The following KCND2 variants were observed in gnomAD, a reference collection of about 807,000 sequenced individuals.
The protein encoded by KCND2 is A-type voltage-gated potassium channel KCND2.
Under a neutral mutation model 54.4 loss-of-function variants are expected in KCND2, and 16 were observed. The ratio of observed to expected loss-of-function variants is 0.29; its 90% CI spans 0.20 to 0.45. KCND2 has a LOEUF of 0.45. Ranked by LOEUF, KCND2 falls within the 20% of genes least tolerant of loss-of-function variation. The pLI is 1.00. For synonymous variants in KCND2, 317 were observed against 310.7 expected (o/e 1.02, Z -0.21); for missense variants, 486 against 824.2 (o/e 0.59, Z 5.02).
At chr7:120,591,911 A>C (rs1246924592) in intron 1 of KCND2, among the ~76,000 whole-genome samples, 1 of 152,252 alleles carries the variant, frequency 6.6e-6, no homozygotes, top group East Asian at 1.9e-4. Context: ...TTAAGTAAAA[A>C]ATATGTACAC....
chr7:120,375,511 T>G (rs1328676587), intron 1 of KCND2, among the ~76,000 whole-genome samples: 1 of 151,818 alleles, frequency 6.6e-6, no homozygotes, highest in African/African-American at 2.4e-5. Context: ...GAAATATGCG[T>G]TTTCAATATG....
chr7:120,681,572 C>T (rs943177526), intron 1 of KCND2, among the ~76,000 whole-genome samples: 1 of 151,790 alleles, frequency 6.6e-6, no homozygotes, highest in Admixed American at 6.6e-5. Flanking sequence ...ATTCACCAAC[C>T]ACAAAATGAA....
chr7:120,698,022 CTT>C (rs35589294), intron 1 of KCND2, among the ~76,000 whole-genome samples: 1,546 of 85,568 alleles, frequency 0.018, 6 homozygotes, highest in African/African-American at 0.061. Flanking sequence ...TAGATTTGCC[CTT>C]TTTTTTTTTT....
chr7:120,677,572 G>T (rs917536498), intron 1 of KCND2, among the ~76,000 whole-genome samples: 6 of 146,068 alleles, frequency 4.1e-5, no homozygotes, highest in Admixed American at 1.4e-4. Context: ...TAGATATATA[G>T]ATATATAGAT....
intron 1 of KCND2, among the ~76,000 whole-genome samples, chr7:120,518,001 A>G (rs1210995716): frequency 6.6e-6 from 1 of 152,140 alleles, no homozygotes; most frequent in Non-Finnish European, 1.5e-5. Context: ...ATATTTGTTG[A>G]TAATGTGTTC....
At position 120,750,233 on chromosome 7, in the gene KCND2, T is replaced by C. The variant is rs1246394605; in HGVS notation, c.*2375T>C. ...TTTTGACAATTTTGTTTGAAATTCA[T>C]ATATCTTATTTCAAAGGATAGCATA... On this transcript the variant is annotated 3_prime_UTR_variant, in exon 6 of 6. Coordinates refer to ENST00000331113, the MANE Select transcript of KCND2 (RefSeq NM_012281.3). The C allele has an allele frequency of 6.6e-6, 1 of 152,444 alleles. No homozygotes were observed. The highest frequency in any genetic ancestry group is 1.5e-5 in the Non-Finnish European group (1 of 67,876). 9.4% of individuals were successfully genotyped at this position (152,444 alleles called of 1,614,324 possible).
rs552453369 is a variant in KCND2 at position 120,385,686 on chromosome 7, A to G, written c.1115+109939A>G. On this transcript the variant is annotated intron_variant, in intron 1 of 5. Coordinates refer to ENST00000331113, the MANE Select transcript of KCND2 (RefSeq NM_012281.3). Reference sequence around the variant, plus strand: ...ACATGATGTTTTCATTTGCAGACTCATTAATGCTTTATAAATAGCCAAACT... The same window carrying G: ...ACATGATGTTTTCATTTGCAGACTCGTTAATGCTTTATAAATAGCCAAACT... Among the ~76,000 whole-genome samples the G allele has an allele frequency of 2.0e-5, 3 of 152,290 alleles. No homozygotes were observed. The East Asian group carries it at 5.8e-4, about 29-fold the overall frequency.
intron 1 of KCND2, among the ~76,000 whole-genome samples, chr7:120,483,633 C>T (rs1360441801): frequency 6.6e-6 from 1 of 151,886 alleles, no homozygotes; most frequent in East Asian, 1.9e-4. Flanking sequence ...AAACATGAAG[C>T]GTCAAAGTAA....
At chr7:120,595,505 G>GTGTATATATATGTATATATA in intron 1 of KCND2, among the ~76,000 whole-genome samples, 2 of 144,666 alleles carry the variant, frequency 1.4e-5, no homozygotes, top group Admixed American at 1.4e-4. Context: ...ATATGTGTGT[G>GTGTATATATATGTATATATA]TGTGTATATA....
intron 1 of KCND2, among the ~76,000 whole-genome samples, chr7:120,688,741 C>A (rs1263623598): frequency 6.6e-6 from 1 of 151,860 alleles, no homozygotes; most frequent in Non-Finnish European, 1.5e-5. Flanking sequence ...TGGCATAATC[C>A]TCTAAGAAAA....
chr7:120,281,309 G>A (rs2116255972), intron 1 of KCND2, among the ~76,000 whole-genome samples: 1 of 151,930 alleles, frequency 6.6e-6, no homozygotes, highest in East Asian at 1.9e-4. Context: ...TTTCTAAGCA[G>A]GGATACACAC....
At chr7:120,669,092 C>G (rs775686712) in intron 1 of KCND2, among the ~76,000 whole-genome samples, 1 of 151,938 alleles carries the variant, frequency 6.6e-6, no homozygotes, top group Non-Finnish European at 1.5e-5. Flanking sequence ...TCAAAATGGA[C>G]CTTAGTAGAA....
At chr7:120,475,240 T>C (rs1446952392) in intron 1 of KCND2, among the ~76,000 whole-genome samples, 2 of 152,214 alleles carry the variant, frequency 1.3e-5, no homozygotes, top group Admixed American at 6.5e-5. Context: ...TTAATTTAGT[T>C]CTGAACGTTG....
At chr7:120,369,333 C>CA (rs749158088) in intron 1 of KCND2, among the ~76,000 whole-genome samples, 15 of 151,988 alleles carry the variant, frequency 9.9e-5, no homozygotes, top group Non-Finnish European at 2.2e-4. Flanking sequence ...GATGTCCCAT[C>CA]AGTGACTGGT....
intron 1 of KCND2, among the ~76,000 whole-genome samples, chr7:120,466,034 G>T (rs1387350164): frequency 6.6e-6 from 1 of 152,142 alleles, no homozygotes; most frequent in Non-Finnish European, 1.5e-5. Flanking sequence ...TTTGCTGTGT[G>T]GGGCTGTCTA....
chr7:120,290,007 A>G (rs1689457716), intron 1 of KCND2, among the ~76,000 whole-genome samples: 1 of 152,106 alleles, frequency 6.6e-6, no homozygotes, highest in African/African-American at 2.4e-5. Context: ...TCATAATTTT[A>G]TAATGCTCTA....
chr7:120,391,756 TGTG>T (rs1801081326), intron 1 of KCND2, among the ~76,000 whole-genome samples: 1 of 152,112 alleles, frequency 6.6e-6, no homozygotes, highest in African/African-American at 2.4e-5. Flanking sequence ...CACTTTTTGA[TGTG>T]GTTGTTTGTT....
At chr7:120,581,786 A>G (rs1323756281) in intron 1 of KCND2, among the ~76,000 whole-genome samples, 1 of 151,896 alleles carries the variant, frequency 6.6e-6, no homozygotes, top group Non-Finnish European at 1.5e-5. Flanking sequence ...ATCTCAGCTC[A>G]CTGCAACCTG....
intron 1 of KCND2, among the ~76,000 whole-genome samples, chr7:120,313,050 G>A (rs1454440545): frequency 5.9e-5 from 9 of 152,122 alleles, no homozygotes; most frequent in Non-Finnish European, 1.3e-4. Flanking sequence ...GTGGATTTAC[G>A]TAGGGAGTCT....
Sources: allele counts gnomAD v4.1 joint callset (sites outside exome capture counted in the v4.1 genomes callset), GRCh38; gene constraint gnomAD v4.1.1; transcripts MANE v1.5; gene names NCBI Gene and HGNC (gene_info 2026-07-23, HGNC 2026-07-21).